The following SLC9B1 variants were observed in gnomAD, a reference collection of about 807,000 sequenced individuals.
SLC9B1 encodes sodium/hydrogen exchanger 9B1.
A neutral mutation model predicts 51.7 loss-of-function variants in SLC9B1; 32 were observed. The observed-to-expected ratio is 0.62, with a 90% CI of 0.47 to 0.83. The LOEUF (loss-of-function observed/expected upper bound fraction) is 0.83. Among genes scored for constraint, SLC9B1 ranks in the 40% least tolerant of loss-of-function variants. The pLI, the probability that SLC9B1 is intolerant of heterozygous loss-of-function variation, is 0.00. For missense variants in SLC9B1, 406 were observed against 613.2 expected (o/e 0.66, Z 3.57); for synonymous variants, 145 against 212.7 (o/e 0.68, Z 2.77).
intron 7 of SLC9B1, among the ~76,000 whole-genome samples, chr4:102,914,362 C>T (rs1313873226): frequency 1.3e-5 from 2 of 151,954 alleles, no homozygotes; most frequent in South Asian, 4.2e-4. Context: ...AACCCTTCAA[C>T]TGTAATTTCT....
chr4:102,962,917 T>G (rs1738215340), intron 3 of SLC9B1: 1 of 466,788 alleles, frequency 2.1e-6, no homozygotes, highest in Non-Finnish European at 4.4e-6. Flanking sequence ...TCCTGCAACC[T>G]GAAATATTTT....
intron 7 of SLC9B1, among the ~76,000 whole-genome samples, chr4:102,916,175 A>G (rs1317059431): frequency 6.6e-6 from 1 of 152,218 alleles, no homozygotes; most frequent in Non-Finnish European, 1.5e-5. Flanking sequence ...AAAAAATCTA[A>G]ATATATACTA....
intron 5 of SLC9B1, among the ~76,000 whole-genome samples, chr4:102,946,358 T>C (rs1283069553): frequency 6.6e-6 from 1 of 152,222 alleles, no homozygotes; most frequent in Non-Finnish European, 1.5e-5. Flanking sequence ...TCCCCCAGGC[T>C]GGAGTGCAGT....
chr4:102,894,743 G>C (rs1184919644), intron 11 of SLC9B1, among the ~76,000 whole-genome samples: 1 of 152,090 alleles, frequency 6.6e-6, no homozygotes, highest in Non-Finnish European at 1.5e-5. Flanking sequence ...GACTGCTTGA[G>C]CCCAGGAGTT....
chr4:102,984,992 T>A (rs1376017188), intron 3 of SLC9B1, among the ~76,000 whole-genome samples: 1 of 152,208 alleles, frequency 6.6e-6, no homozygotes, highest in African/African-American at 2.4e-5. Context: ...GACTCACGTA[T>A]TTTAATATTC....
chr4:102,970,169 C>T (rs574280967), intron 3 of SLC9B1, among the ~76,000 whole-genome samples: 12 of 152,060 alleles, frequency 7.9e-5, no homozygotes. Context: ...GAAGAGCAAC[C>T]CCAAGACACA....
chr4:102,967,539 C>T (rs1220887297), intron 3 of SLC9B1, among the ~76,000 whole-genome samples: 2 of 152,058 alleles, frequency 1.3e-5, no homozygotes, highest in Admixed American at 1.3e-4. Context: ...AGAACAAGGT[C>T]AAAGGGGAGT....
At chr4:103,004,495 T>C (rs979172147) in intron 1 of SLC9B1, among the ~76,000 whole-genome samples, 17 of 152,168 alleles carry the variant, frequency 1.1e-4, no homozygotes, top group Non-Finnish European at 2.2e-4. Context: ...GAGTAAGTAA[T>C]GTGGAAAACA....
chr4:102,923,185 C>T (rs559465897), intron 7 of SLC9B1, among the ~76,000 whole-genome samples: 5 of 152,294 alleles, frequency 3.3e-5, no homozygotes, highest in African/African-American at 1.2e-4. Flanking sequence ...CAAACTGAAT[C>T]CAGCAGCACA....
intron 7 of SLC9B1, among the ~76,000 whole-genome samples, chr4:102,917,432 TC>T (rs1169596165): frequency 5.7e-5 from 2 of 34,826 alleles, no homozygotes; most frequent in Non-Finnish European, 1.0e-4. Context: ...TATGCATGTA[TC>T]TATATCTATA....
chr4:102,885,409 T>C (rs768049003), intron 11 of SLC9B1: 1 of 1,614,018 alleles, frequency 6.2e-7, no homozygotes, highest in Admixed American at 1.7e-5. Context: ...CAGCTTATTG[T>C]AGGTGTTGGC....
intron 1 of SLC9B1, among the ~76,000 whole-genome samples, chr4:103,017,809 G>A (rs571565660): frequency 5.3e-5 from 8 of 152,146 alleles, no homozygotes; most frequent in East Asian, 1.9e-4. Context: ...TAAGAACAGC[G>A]ATCTTGCTAG....
chr4:103,000,235 G>A (rs572333744), intron 1 of SLC9B1, among the ~76,000 whole-genome samples: 24 of 152,228 alleles, frequency 1.6e-4, no homozygotes, highest in African/African-American at 4.8e-4. Context: ...CTCCCAAATC[G>A]CATGTCCTTT....
intron 11 of SLC9B1, among the ~76,000 whole-genome samples, chr4:102,902,539 A>C (rs1391821699): frequency 1.3e-5 from 2 of 152,272 alleles, no homozygotes; most frequent in East Asian, 1.9e-4. Context: ...AAAACAAAAA[A>C]CAAAAACCAA....
At position 103,008,800 on chromosome 4, in the gene SLC9B1, T is replaced by TTC. The variant is rs201850701; in HGVS notation, c.-2+10798_-2+10799insGA. Among the ~76,000 whole-genome samples the TTC allele has an allele frequency of 7.7e-3, 1,108 of 144,692 alleles. 13 individuals carry two copies. Among genetic ancestry groups the TTC allele is most frequent in the African/African-American group, 0.027 (1,033 of 38,486 alleles). 94.9% of individuals were successfully genotyped at this position (144,692 alleles called of 152,430 possible). ...GATCTAAGGGCTTTAACAGTTTCTT[T>TTC]TTTTTTTTTTTTTTTTTGAGACGGA... On this transcript the variant is annotated intron_variant, in intron 1 of 11. Coordinates refer to ENST00000296422, the MANE Select transcript of SLC9B1 (RefSeq NM_139173.4).
At chr4:102,939,706 A>G (rs1253828613) in intron 6 of SLC9B1, among the ~76,000 whole-genome samples, 2 of 152,238 alleles carry the variant, frequency 1.3e-5, no homozygotes, top group Admixed American at 6.5e-5. Flanking sequence ...CTAGTCCACT[A>G]TGATTAAGTA....
At chr4:102,902,382 A>G (rs1734829634) in intron 11 of SLC9B1, among the ~76,000 whole-genome samples, 1 of 152,188 alleles carries the variant, frequency 6.6e-6, no homozygotes, top group Non-Finnish European at 1.5e-5. Context: ...AAATGGTATC[A>G]TTTTTATATC....
intron 3 of SLC9B1, among the ~76,000 whole-genome samples, chr4:102,956,756 A>G (rs553255064): frequency 2.0e-4 from 30 of 152,316 alleles, no homozygotes; most frequent in South Asian, 1.2e-3. Context: ...CCAAATCCAG[A>G]TTTGCTATAA....
At chr4:102,951,136 T>C (rs1268779562) in intron 3 of SLC9B1, among the ~76,000 whole-genome samples, 1 of 152,208 alleles carries the variant, frequency 6.6e-6, no homozygotes, top group Non-Finnish European at 1.5e-5. Context: ...TGAGAATTCA[T>C]AGGTAAAACT....
Sources: gnomAD v4.1 joint callset for allele counts (sites outside exome capture counted in the v4.1 genomes callset) on GRCh38, gnomAD v4.1.1 for gene constraint, MANE v1.5 for transcripts, NCBI Gene and HGNC (gene_info 2026-07-23, HGNC 2026-07-21) for gene names.